The following LDB2 variants were observed in gnomAD, a reference collection of about 807,000 sequenced individuals.
The protein encoded by LDB2 is LIM domain-binding protein 2.
A neutral mutation model predicts 44.3 loss-of-function variants in LDB2; 12 were observed. The ratio of observed to expected loss-of-function variants is 0.27; its 90% CI spans 0.17 to 0.44. LDB2 has a LOEUF of 0.44. Ranked by LOEUF, LDB2 falls within the 20% of genes least tolerant of loss-of-function variation. The pLI, the probability that LDB2 is intolerant of heterozygous loss-of-function variation, is 1.00. For missense variants in LDB2, 344 were observed against 473.5 expected (o/e 0.73, Z 2.54); for synonymous variants, 164 against 174.8 (o/e 0.94, Z 0.49).
At chr4:16,575,743 T>C (rs1748056697) in intron 5 of LDB2, among the ~76,000 whole-genome samples, 1 of 152,226 alleles carries the variant, frequency 6.6e-6, no homozygotes. Context: ...AAATTGAAAC[T>C]TTTTATTTTT....
chr4:16,628,833 G>C (rs1355740336), intron 2 of LDB2, among the ~76,000 whole-genome samples: 4 of 152,186 alleles, frequency 2.6e-5, no homozygotes, highest in African/African-American at 9.6e-5. Flanking sequence ...GGGGTCAGGG[G>C]ATCTCCCTTT....
chr4:16,810,163 C>T (rs1043060566), intron 1 of LDB2, among the ~76,000 whole-genome samples: 4 of 152,104 alleles, frequency 2.6e-5, no homozygotes, highest in Non-Finnish European at 5.9e-5. Context: ...CTGTCAAATG[C>T]TACTATAAAG....
At chr4:16,771,591 A>G (rs1245659265) in intron 1 of LDB2, among the ~76,000 whole-genome samples, 3 of 152,114 alleles carry the variant, frequency 2.0e-5, no homozygotes, top group Non-Finnish European at 4.4e-5. Context: ...TTCCATCTCC[A>G]TAATATAATT....
At chr4:16,880,887 C>T (rs887296339) in intron 1 of LDB2, among the ~76,000 whole-genome samples, 3 of 132,620 alleles carry the variant, frequency 2.3e-5, no homozygotes, top group African/African-American at 8.9e-5. Flanking sequence ...GTGGGTGAGA[C>T]AGCAAGACTC....
At chr4:16,767,981 C>T (rs1769731433) in intron 1 of LDB2, among the ~76,000 whole-genome samples, 1 of 152,162 alleles carries the variant, frequency 6.6e-6, no homozygotes, top group Non-Finnish European at 1.5e-5. Flanking sequence ...CCAACCCTAT[C>T]CCTCTTCACC....
At chr4:16,519,803 TAAGTAACCCTTAA>T (rs1333905083) in intron 5 of LDB2, among the ~76,000 whole-genome samples, 1 of 151,812 alleles carries the variant, frequency 6.6e-6, no homozygotes, top group Non-Finnish European at 1.5e-5. Context: ...TGAAACAAAG[TAAGTAACCCTTAA>T]TACAAAAGCC....
intron 1 of LDB2, among the ~76,000 whole-genome samples, chr4:16,780,433 G>C (rs1772936878): frequency 6.6e-6 from 1 of 152,122 alleles, no homozygotes; most frequent in Non-Finnish European, 1.5e-5. Flanking sequence ...ATGTTGGCCA[G>C]ACTGGTCTTG....
intron 1 of LDB2, among the ~76,000 whole-genome samples, chr4:16,763,889 A>G (rs1276706353): frequency 1.3e-5 from 2 of 152,202 alleles, no homozygotes; most frequent in Non-Finnish European, 2.9e-5. Flanking sequence ...GTAAGTGGGA[A>G]TAATAATCTC....
chr4:16,754,162 A>C (rs1225259352), intron 2 of LDB2, among the ~76,000 whole-genome samples: 1 of 152,190 alleles, frequency 6.6e-6, no homozygotes, highest in Non-Finnish European at 1.5e-5. Context: ...ACACATTCTT[A>C]ATCACTGTTC....
chr4:16,643,461 A>T (rs1164396697), intron 2 of LDB2, among the ~76,000 whole-genome samples: 1 of 152,256 alleles, frequency 6.6e-6, no homozygotes, highest in African/African-American at 2.4e-5. Flanking sequence ...TAATTGGCAC[A>T]AAATAAGGCC....
intron 2 of LDB2, among the ~76,000 whole-genome samples, chr4:16,756,074 T>G (rs1766582347): frequency 6.6e-6 from 1 of 152,320 alleles, no homozygotes; most frequent in East Asian, 1.9e-4. Context: ...GCTTTCTGAA[T>G]GAAAGGAACA....
intron 5 of LDB2, among the ~76,000 whole-genome samples, chr4:16,567,536 C>T (rs1278526834): frequency 6.6e-6 from 1 of 152,036 alleles, no homozygotes; most frequent in African/African-American, 2.4e-5. Flanking sequence ...TTTGGGAGGC[C>T]GAGGCGGGCG....
rs767583423 is a variant in LDB2 at position 16,898,492 on chromosome 4, T to G, written c.-7A>C. On this transcript the variant is annotated 5_prime_UTR_variant, in exon 1 of 8. Transcript: ENST00000304523. The stretch of plus-strand genomic sequence containing the variant: ...CATGTGGTGTGCTGGACATCTTGCC[T>G]GCTTTTCGAAAATCAAGCTAAACAG... 3 of 1,613,294 alleles carry G rather than the reference T, an allele frequency of 1.9e-6. No individual in the cohort carries two copies. Among genetic ancestry groups the G allele is most frequent in the Non-Finnish European group, 2.5e-6 (3 of 1,179,596 alleles).
chr4:16,612,219 T>C (rs1306644041), intron 2 of LDB2, among the ~76,000 whole-genome samples: 1 of 152,104 alleles, frequency 6.6e-6, no homozygotes, highest in African/African-American at 2.4e-5. Flanking sequence ...AAAGCAGTGT[T>C]AAGAGGGAAA....
intron 2 of LDB2, among the ~76,000 whole-genome samples, chr4:16,752,957 T>C (rs988034897): frequency 2.6e-5 from 4 of 152,068 alleles, no homozygotes; most frequent in African/African-American, 9.7e-5. Context: ...CAGGGCCAGC[T>C]GGCCATGCCT....
chr4:16,545,725 C>T (rs77600537), intron 5 of LDB2, among the ~76,000 whole-genome samples: 3,021 of 152,264 alleles, frequency 0.02, 68 homozygotes, highest in African/African-American at 0.048. Context: ...ACAGCCCCTG[C>T]AGTTACAAAT....
intron 2 of LDB2, among the ~76,000 whole-genome samples, chr4:16,598,836 A>C (rs1259975908): frequency 6.6e-6 from 1 of 151,484 alleles, no homozygotes; most frequent in Non-Finnish European, 1.5e-5. Flanking sequence ...CTCAGAGGTC[A>C]GTCTCACTTA....
chr4:16,787,605 C>G (rs1388768738), intron 1 of LDB2, among the ~76,000 whole-genome samples: 2 of 152,084 alleles, frequency 1.3e-5, no homozygotes, highest in Non-Finnish European at 2.9e-5. Flanking sequence ...CTGAGTGAAA[C>G]TCCATCTCAG....
intron 1 of LDB2, among the ~76,000 whole-genome samples, chr4:16,782,260 G>GA (rs1773425725): frequency 6.6e-6 from 1 of 152,094 alleles, no homozygotes; most frequent in Non-Finnish European, 1.5e-5. Flanking sequence ...CTTGTGGGCA[G>GA]AAATCAGATC....
Sources: allele counts gnomAD v4.1 joint callset (sites outside exome capture counted in the v4.1 genomes callset), GRCh38; gene constraint gnomAD v4.1.1; transcripts MANE v1.5; gene names NCBI Gene and HGNC (gene_info 2026-07-23, HGNC 2026-07-21).